The following QPRT variants were observed in gnomAD, a reference collection of about 807,000 sequenced individuals.
The protein encoded by QPRT is quinolinate phosphoribosyltransferase, also known as nicotinate-nucleotide pyrophosphorylase [carboxylating].
In QPRT, 17 loss-of-function variants were observed where a neutral mutation model predicts 19.8. That is an observed-to-expected ratio of 0.86 (90% CI 0.59 to 1.29). The LOEUF is 1.29. QPRT is among the 50% of genes most tolerant of loss of function. The pLI is 0.00. For synonymous variants in QPRT, 178 were observed against 191.0 expected (o/e 0.93, Z 0.56); for missense variants, 336 against 405.1 (o/e 0.83, Z 1.46).
intron 1 of QPRT, among the ~76,000 whole-genome samples, chr16:29,683,798 T>G (rs1434404747): frequency 6.6e-6 from 1 of 152,140 alleles, no homozygotes. Flanking sequence ...ATCTGAAAGT[T>G]TGAAAAGCTC....
Position 29,697,420 on chromosome 16 carries a change from C to G in QPRT, c.*9C>G, listed in dbSNP as rs773418494. The G allele has an allele frequency of 1.2e-6, 2 of 1,605,226 alleles. No homozygotes were observed. Among genetic ancestry groups the G allele is most frequent in the Non-Finnish European group, 1.7e-6 (2 of 1,176,414 alleles). ...TGCCCAAAATCCACTAGTCCTAAAC[C>G]GGAAGAGGATGACACCGGCCATGGG... On this transcript the variant is annotated 3_prime_UTR_variant, in exon 4 of 4. Transcript: ENST00000395384. The surrounding 1 kb of genome is among the most constrained non-coding windows in gnomAD (Gnocchi z 4.4).
At chr16:29,695,248 T>TCCCC (rs1435951411) in intron 2 of QPRT, 49 bp downstream of exon 2, 7 of 1,411,994 alleles carry the variant, frequency 5.0e-6, no homozygotes, top group Non-Finnish European at 6.5e-6. Context: ...AGCACACCCC[T>TCCCC]CCCCTCCCCT....
chr16:29,689,589 A>G (rs1319362482), intron 1 of QPRT, among the ~76,000 whole-genome samples: 1 of 152,144 alleles, frequency 6.6e-6, no homozygotes, highest in Non-Finnish European at 1.5e-5. Flanking sequence ...AAGAGAAGCG[A>G]AACTAAAGGC....
intron 1 of QPRT, among the ~76,000 whole-genome samples, chr16:29,684,547 C>T (rs1308953745): frequency 6.6e-6 from 1 of 152,020 alleles, no homozygotes; most frequent in African/African-American, 2.4e-5. Flanking sequence ...CGGGGTTTCA[C>T]CGTTTTCACC....
chr16:29,683,849 T>C (rs1402891608), intron 1 of QPRT, among the ~76,000 whole-genome samples: 1 of 152,168 alleles, frequency 6.6e-6, no homozygotes, highest in East Asian at 1.9e-4. Flanking sequence ...GGCCCCACTG[T>C]GTCCACTTCT....
At chr16:29,695,302 G>T (rs1967496684) in intron 2 of QPRT, 103 bp downstream of exon 2, 3 of 1,327,844 alleles carry the variant, frequency 2.3e-6, no homozygotes, top group Admixed American at 2.8e-5. Context: ...AACAGCCATG[G>T]CCTGGAGTCA....
At chr16:29,684,557 C>T (rs1041376041) in intron 1 of QPRT, among the ~76,000 whole-genome samples, 20 of 152,168 alleles carry the variant, frequency 1.3e-4, no homozygotes, top group African/African-American at 4.3e-4. Context: ...CCGTTTTCAC[C>T]AGGATGGTCT....
chr16:29,690,661 CAG>C (rs879791277), intron 1 of QPRT, among the ~76,000 whole-genome samples: 1 of 152,022 alleles, frequency 6.6e-6, no homozygotes, highest in Non-Finnish European at 1.5e-5. Context: ...ACATTTGAGA[CAG>C]GTCCCTATTG....
At position 29,696,863 on chromosome 16, in the gene QPRT, A is replaced by G. The variant is rs78354837; in HGVS notation, c.550-133A>G. On this transcript the variant is annotated intron_variant, in intron 2 of 3. Transcript: ENST00000395384. The stretch of plus-strand genomic sequence containing the variant: ...TCATGGTCCACCCGAAGCTTTTCAA[A>G]TGTCAGTCCCGGCTCCCCGCGCCCC... 6.5e-3 allele frequency: 6,955 copies of G among 1,077,712 alleles called. 337 individuals carry two copies. The African/African-American group carries it at 0.1, about 15-fold the overall frequency. The allele number at this position is 1,077,712 out of a possible 1,614,324, so 66.8% of individuals were successfully genotyped here.
At chr16:29,692,452 G>A (rs1038258254) in intron 1 of QPRT, among the ~76,000 whole-genome samples, 105 of 151,792 alleles carry the variant, frequency 6.9e-4, no homozygotes, top group Non-Finnish European at 1.3e-3. Flanking sequence ...GTGGTGGTGG[G>A]CGCCTGTAGT....
At chr16:29,680,083 G>A (rs561755194) in intron 1 of QPRT, among the ~76,000 whole-genome samples, 34 of 149,898 alleles carry the variant, frequency 2.3e-4, no homozygotes, top group South Asian at 1.1e-3. Context: ...TCAGCCTCCC[G>A]AGTAGCTGGG....
chr16:29,680,178 C>CG (rs1484394462), intron 1 of QPRT, among the ~76,000 whole-genome samples: 37 of 152,000 alleles, frequency 2.4e-4, no homozygotes, highest in Admixed American at 2.2e-3. Context: ...AGGATGGTCT[C>CG]ATTTCCCAAC....
chr16:29,679,137 G>T, upstream of QPRT: 2 of 1,613,678 alleles, frequency 1.2e-6, no homozygotes, highest in Non-Finnish European at 1.7e-6. Context: ...CCCAGCCTGG[G>T]GCCTCTGGGA....
chr16:29,683,939 C>G (rs1191576726), intron 1 of QPRT, among the ~76,000 whole-genome samples: 2 of 152,142 alleles, frequency 1.3e-5, no homozygotes, highest in African/African-American at 2.4e-5. Context: ...GTGGCTTCTG[C>G]CCCCGACACA....
At chr16:29,690,973 C>A (rs1407829218) in intron 1 of QPRT, among the ~76,000 whole-genome samples, 1 of 151,652 alleles carries the variant, frequency 6.6e-6, no homozygotes, top group Non-Finnish European at 1.5e-5. Context: ...ACGGCGTGAG[C>A]CATGGTGCCC....
At chr16:29,682,883 ATGTTT>A (rs1167620442) in intron 1 of QPRT, among the ~76,000 whole-genome samples, 3 of 152,092 alleles carry the variant, frequency 2.0e-5, no homozygotes, top group African/African-American at 7.2e-5. Flanking sequence ...ATTGGTTAGT[ATGTTT>A]TAAGAGTCTT....
chr16:29,681,060 G>A (rs530641643), intron 1 of QPRT, among the ~76,000 whole-genome samples: 2 of 151,852 alleles, frequency 1.3e-5, no homozygotes, highest in South Asian at 2.1e-4. Flanking sequence ...CCATACACCC[G>A]GTCCCTCTGG....
intron 1 of QPRT, among the ~76,000 whole-genome samples, chr16:29,685,776 G>T (rs1316843054): frequency 6.6e-6 from 1 of 152,074 alleles, no homozygotes; most frequent in East Asian, 1.9e-4. Flanking sequence ...GAGGTGGGAG[G>T]ACTGCTTGAG....
chr16:29,679,839 G>T (rs1966939002), intron 1 of QPRT, among the ~76,000 whole-genome samples: 1 of 152,182 alleles, frequency 6.6e-6, no homozygotes, highest in South Asian at 2.1e-4. Flanking sequence ...CTAAGAAGCA[G>T]ATGGTACGGG....
Sources: allele counts gnomAD v4.1 joint callset (sites outside exome capture counted in the v4.1 genomes callset), GRCh38; gene constraint gnomAD v4.1.1; non-coding constraint Gnocchi (gnomAD v3.1); transcripts MANE v1.5; gene names NCBI Gene and HGNC (gene_info 2026-07-23, HGNC 2026-07-21).